ZMYND11: variants seen among roughly 807,000 people sequenced by gnomAD.
ZMYND11 encodes zinc finger MYND-type containing 11.
ZMYND11 carries 9 observed loss-of-function variants against 84.9 expected under a neutral mutation model. The ratio of observed to expected loss-of-function variants is 0.11; its 90% CI spans 0.06 to 0.18. The LOEUF is 0.18. Among genes scored for constraint, ZMYND11 ranks in the 10% least tolerant of loss-of-function variants. The pLI is 1.00. For missense variants in ZMYND11, 409 were observed against 761.0 expected (o/e 0.54, Z 5.44); for synonymous variants, 250 against 244.1 (o/e 1.02, Z -0.23).
chr10:208,227 AT>A (rs1944537795), intron 2 of ZMYND11, among the ~76,000 whole-genome samples: 1 of 152,254 alleles, frequency 6.6e-6, no homozygotes, highest in African/African-American at 2.4e-5. Flanking sequence ...CATTCAGGAC[AT>A]AGGCATGGGC....
chr10:168,686 A>G (rs576665588), intron 1 of ZMYND11, among the ~76,000 whole-genome samples: 2 of 152,314 alleles, frequency 1.3e-5, no homozygotes, highest in East Asian at 1.9e-4. Flanking sequence ...TAATAATAAT[A>G]AACAAAACTC....
At position 252,787 on chromosome 10, in the gene ZMYND11, A is replaced by T. The variant is rs1329011383; in HGVS notation, c.*317A>T. 4.6e-6 allele frequency: 1 copy of T among 216,254 alleles called. No individual in the cohort carries two copies. Among genetic ancestry groups the T allele is most frequent in the East Asian group, 1.2e-4 (1 of 8,016 alleles). 13.4% of individuals were successfully genotyped at this position (216,254 alleles called of 1,614,324 possible). On this transcript the variant is annotated 3_prime_UTR_variant, in exon 15 of 15. Coordinates refer to ENST00000381604, the MANE Select transcript of ZMYND11 (RefSeq NM_001370100.5). This position sits in a 1 kb window ranked among gnomAD's most constrained non-coding sequence, Gnocchi z 4.6. ...AACCTTTAAACAACAGATCTTTAAA[A>T]AACAGGTGAATACAAGTGAGTTTAA...
At chr10:221,506 G>A in intron 4 of ZMYND11, 150 bp downstream of exon 4, 1 of 739,616 alleles carries the variant, frequency 1.4e-6, no homozygotes, top group South Asian at 2.1e-5. Context: ...ACTCATAAAT[G>A]GACATCACAG....
chr10:182,809 G>T (rs1051120540), intron 2 of ZMYND11, among the ~76,000 whole-genome samples: 58 of 152,024 alleles, frequency 3.8e-4, no homozygotes, highest in African/African-American at 1.3e-3. Context: ...TTGCATTATG[G>T]CAGGAAGTCA....
At chr10:214,545 C>T (rs1211688717) in intron 3 of ZMYND11, among the ~76,000 whole-genome samples, 1 of 152,110 alleles carries the variant, frequency 6.6e-6, no homozygotes, top group African/African-American at 2.4e-5. Context: ...CTCATAGGGT[C>T]CACATAATTC....
chr10:167,035 G>C (rs139489977), intron 1 of ZMYND11, among the ~76,000 whole-genome samples: 4 of 152,240 alleles, frequency 2.6e-5, no homozygotes, highest in African/African-American at 9.6e-5. Flanking sequence ...AAATATCTAG[G>C]CATATTAATA....
intron 4 of ZMYND11, 33 bp downstream of exon 4, chr10:221,389 G>A: frequency 6.2e-7 from 1 of 1,600,932 alleles, no homozygotes; most frequent in South Asian, 1.1e-5. Context: ...GTGCTGGTTA[G>A]AGGGTTGGAA....
At position 185,814 on chromosome 10, in the gene ZMYND11, AAAAAAAC is replaced by A. The variant is rs1413971260; in HGVS notation, c.116+5693_116+5699del. Among the ~76,000 whole-genome samples, 18 of 2,540 alleles carry A rather than the reference AAAAAAAC, an allele frequency of 7.1e-3. 1 individual carries two copies. Among genetic ancestry groups the A allele is most frequent in the African/African-American group, 8.9e-3 (18 of 2,016 alleles). 1.7% of individuals were successfully genotyped at this position (2,540 alleles called of 152,430 possible). On this transcript the variant is annotated intron_variant, in intron 2 of 14. Transcript: ENST00000381604. ...TGGTCAACGAGTGAAACTCCGTCTC[AAAAAAAC>A]AAAAAAACAAAAAAACAAAAAAAAA...
intron 3 of ZMYND11, among the ~76,000 whole-genome samples, chr10:216,039 T>C (rs1478090528): frequency 6.6e-6 from 1 of 152,204 alleles, no homozygotes; most frequent in Non-Finnish European, 1.5e-5. Context: ...GACCCTTCTT[T>C]TCTGTCATCA....
At chr10:194,176 G>A (rs753679924) in intron 2 of ZMYND11, among the ~76,000 whole-genome samples, 26 of 151,744 alleles carry the variant, frequency 1.7e-4, no homozygotes, top group Non-Finnish European at 3.5e-4. Flanking sequence ...TTTTGGTAGA[G>A]TCGGGGTTTC....
At chr10:133,589 G>A (rs114854423), upstream of ZMYND11, among the ~76,000 whole-genome samples, 1 of 152,088 alleles carries the variant, frequency 6.6e-6, no homozygotes, top group Non-Finnish European at 1.5e-5. Context: ...TTATTGATAC[G>A]ATGTTGTCTT....
At chr10:232,794 T>C (rs764955933) in intron 4 of ZMYND11, among the ~76,000 whole-genome samples, 10 of 152,212 alleles carry the variant, frequency 6.6e-5, no homozygotes, top group Non-Finnish European at 1.5e-4. Flanking sequence ...CTGTAATAAC[T>C]GAAGAAAAAA....
In ZMYND11 at chr10:180,041, C is replaced by T. The variant is rs779164917; in HGVS notation, c.29C>T (p.Ala10Val). 8.1e-6 allele frequency: 13 copies of T among 1,613,238 alleles called. No homozygotes were observed. Among genetic ancestry groups the T allele is most frequent in the Admixed American group, 1.7e-5 (1 of 59,912 alleles). MARLTKRRQ[A>V]DTKAIQHLWA... ...GCACGTTTAACAAAAAGACGACAGG[C>T]GGATACAAAAGCTATCCAGCATCTT... Residue 10 changes from alanine (A) to valine (V), a missense_variant, in exon 2 of 15, where the codon GCG becomes GTG. Physicochemically the swap from Ala to Val is moderately conservative, Grantham distance 64. Coordinates refer to ENST00000381604, the MANE Select transcript of ZMYND11 (RefSeq NM_001370100.5).
At chr10:224,142 A>G (rs1219403796) in intron 4 of ZMYND11, among the ~76,000 whole-genome samples, 1 of 152,186 alleles carries the variant, frequency 6.6e-6, no homozygotes, top group Non-Finnish European at 1.5e-5. Context: ...TCACTCTTAC[A>G]TTCCTTTCTC....
At chr10:155,203 GA>G (rs1321816647) in intron 1 of ZMYND11, among the ~76,000 whole-genome samples, 3 of 152,144 alleles carry the variant, frequency 2.0e-5, no homozygotes, top group Non-Finnish European at 4.4e-5. Flanking sequence ...TTTAGGTTGA[GA>G]AAAGTGTACG....
At chr10:251,622 A>G (rs1217966809) in intron 14 of ZMYND11, among the ~76,000 whole-genome samples, 1 of 152,186 alleles carries the variant, frequency 6.6e-6, no homozygotes, top group Non-Finnish European at 1.5e-5. Flanking sequence ...GTGTCTGTTC[A>G]TGGTACTACT....
intron 4 of ZMYND11, among the ~76,000 whole-genome samples, chr10:230,140 A>G (rs1264584677): frequency 1.3e-5 from 2 of 152,132 alleles, no homozygotes; most frequent in African/African-American, 2.4e-5. Flanking sequence ...AATAAGATCT[A>G]GAGGCCACCT....
rs1196516432 is a variant in ZMYND11 at position 158,993 on chromosome 10, T to TG, written c.-19-21001_-19-21000insG. Among the ~76,000 whole-genome samples the TG allele has an allele frequency of 2.2e-4, 32 of 145,482 alleles. 1 individual carries two copies. Among genetic ancestry groups the TG allele is most frequent in the Middle Eastern group, 3.5e-3 (1 of 286 alleles). On this transcript the variant is annotated intron_variant, in intron 1 of 14. Transcript: ENST00000381604. ...ATTTGCAGGGTTTTTTGTTTTTTGTTTTTTTTTTTTTTTTTACATTATGTG... is the reference window on the plus strand; with the variant it reads ...ATTTGCAGGGTTTTTTGTTTTTTGTTGTTTTTTTTTTTTTTTACATTATGTG...
chr10:225,311 C>T (rs1016477268), intron 4 of ZMYND11, among the ~76,000 whole-genome samples: 1 of 151,882 alleles, frequency 6.6e-6, no homozygotes, highest in African/African-American at 2.4e-5. Flanking sequence ...TTTTTGTTGC[C>T]TATTTGATAA....
Sources: gnomAD v4.1 joint callset for allele counts (sites outside exome capture counted in the v4.1 genomes callset) on GRCh38, gnomAD v4.1.1 for gene constraint, Gnocchi (gnomAD v3.1) non-coding constraint, MANE v1.5 for transcripts, NCBI Gene and HGNC (gene_info 2026-07-23, HGNC 2026-07-21) for gene names.